ACTR3C: variants seen among roughly 807,000 people sequenced by gnomAD.
ACTR3C encodes actin-related protein 3C.
Under a neutral mutation model 26.3 loss-of-function variants are expected in ACTR3C, and 18 were observed. The ratio of observed to expected loss-of-function variants is 0.68; its 90% confidence interval spans 0.47 to 1.01. The LOEUF is 1.01. Among genes scored for constraint, ACTR3C ranks in the 50% least tolerant of loss-of-function variants. The pLI is 0.00. For missense variants in ACTR3C, 184 were observed against 250.7 expected (o/e 0.73, Z 1.80); for synonymous variants, 55 against 94.5 (o/e 0.58, Z 2.42).
chr7:149,998,064 T>G, the ACTR3C span, among the ~76,000 whole-genome samples: 1 of 151,250 alleles, frequency 6.6e-6, no homozygotes, highest in South Asian at 2.1e-4. Context: ...CCTCTCTTTC[T>G]TCTCCTTCTT....
the ACTR3C span, among the ~76,000 whole-genome samples, chr7:150,031,536 C>A: frequency 6.6e-6 from 1 of 152,106 alleles, no homozygotes; most frequent in African/African-American, 2.4e-5. Flanking sequence ...AAACCCAGTC[C>A]CTGAGTAAAA....
chr7:150,084,683 C>T, the ACTR3C span, among the ~76,000 whole-genome samples: 2 of 152,150 alleles, frequency 1.3e-5, no homozygotes, highest in East Asian at 1.9e-4. Context: ...TTATAAGGGC[C>T]GAGGAACAGG....
chr7:149,945,519 A>G, the ACTR3C span, among the ~76,000 whole-genome samples: 1 of 152,228 alleles, frequency 6.6e-6, no homozygotes, highest in African/African-American at 2.4e-5. Flanking sequence ...AAATCAGATC[A>G]GTGCTGAGGA....
the ACTR3C span, among the ~76,000 whole-genome samples, chr7:150,188,158 C>A: frequency 6.6e-6 from 1 of 152,152 alleles, no homozygotes; most frequent in East Asian, 1.9e-4. Flanking sequence ...AAGATCTGAT[C>A]TTTGTCTCTG....
At chr7:150,083,752 G>A in the ACTR3C span, among the ~76,000 whole-genome samples, 7 of 151,992 alleles carry the variant, frequency 4.6e-5, no homozygotes, top group Admixed American at 4.6e-4. Flanking sequence ...ATTGCTCCTT[G>A]CCCACCTACT....
At chr7:150,147,752 C>T in the ACTR3C span, among the ~76,000 whole-genome samples, 6 of 151,914 alleles carry the variant, frequency 3.9e-5, no homozygotes, top group Non-Finnish European at 7.4e-5. Context: ...CGTTCAACCA[C>T]AGCTGCAGGA....
chr7:150,248,767 G>A (rs1475266909), intron 7 of ACTR3C, 181 bp downstream of exon 7: 2 of 392,118 alleles, frequency 5.1e-6, no homozygotes, highest in Middle Eastern at 6.6e-4. Context: ...TGAATGAAGA[G>A]TCGATTGAGA....
chr7:150,093,310 A>G, the ACTR3C span, among the ~76,000 whole-genome samples: 1 of 151,170 alleles, frequency 6.6e-6, no homozygotes, highest in South Asian at 2.1e-4. Flanking sequence ...TTGATCGGTG[A>G]TTTTTCAAGA....
the ACTR3C span, among the ~76,000 whole-genome samples, chr7:150,210,504 C>T: frequency 6.8e-6 from 1 of 146,950 alleles, no homozygotes; most frequent in African/African-American, 2.7e-5. Context: ...AATAGATACA[C>T]AAACCATGGT....
the ACTR3C span, among the ~76,000 whole-genome samples, chr7:150,159,594 G>T: frequency 6.6e-6 from 1 of 152,016 alleles, no homozygotes. Flanking sequence ...CATTCCACCC[G>T]AGCCCCGCCA....
the ACTR3C span, among the ~76,000 whole-genome samples, chr7:149,988,728 C>T: frequency 4.4e-4 from 67 of 152,280 alleles, 1 homozygote; most frequent in South Asian, 0.013. Flanking sequence ...ATGCATCATC[C>T]TTTGGCCCCA....
the ACTR3C span, among the ~76,000 whole-genome samples, chr7:149,985,957 A>C: frequency 6.6e-6 from 1 of 151,910 alleles, no homozygotes; most frequent in African/African-American, 2.4e-5. Context: ...CCTTTATCCT[A>C]AAACTGCTCA....
At chr7:150,190,896 CA>C in the ACTR3C span, among the ~76,000 whole-genome samples, 1 of 152,090 alleles carries the variant, frequency 6.6e-6, no homozygotes, top group African/African-American at 2.4e-5. Flanking sequence ...ACGTGCCAAG[CA>C]AAGGGGGAAA....
chr7:150,184,189 A>C, the ACTR3C span, among the ~76,000 whole-genome samples: 1 of 150,696 alleles, frequency 6.6e-6, no homozygotes, highest in African/African-American at 2.5e-5. Context: ...GGCTTTGTAA[A>C]GGTCTCGTCA....
chr7:149,964,105 A>G, the ACTR3C span, among the ~76,000 whole-genome samples: 1 of 152,132 alleles, frequency 6.6e-6, no homozygotes, highest in African/African-American at 2.4e-5. Context: ...AGAGAATACT[A>G]TTGACCAAAG....
At chr7:150,039,847 C>A in the ACTR3C span, among the ~76,000 whole-genome samples, 3 of 128,092 alleles carry the variant, frequency 2.3e-5, no homozygotes, top group Non-Finnish European at 5.3e-5. Context: ...CGATGGGGGT[C>A]CTAAGAGCAA....
At chr7:150,128,614 C>A in the ACTR3C span, among the ~76,000 whole-genome samples, 11 of 151,710 alleles carry the variant, frequency 7.3e-5, no homozygotes, top group African/African-American at 2.7e-4. Context: ...TTCTGTCCTT[C>A]ACTCCTCCTA....
chr7:149,959,480 ATC>A, the ACTR3C span, among the ~76,000 whole-genome samples: 1 of 152,140 alleles, frequency 6.6e-6, no homozygotes, highest in Non-Finnish European at 1.5e-5. Context: ...CTTTTGTGTT[ATC>A]TCTCTAGAGA....
At chr7:150,035,582 T>G in the ACTR3C span, among the ~76,000 whole-genome samples, 1 of 125,270 alleles carries the variant, frequency 8.0e-6, no homozygotes, top group African/African-American at 3.2e-5. Flanking sequence ...GAAGAGGGAC[T>G]GGCTCTCAGT....
Sources: allele counts gnomAD v4.1 joint callset (sites outside exome capture counted in the v4.1 genomes callset), GRCh38; gene constraint gnomAD v4.1.1; transcripts MANE v1.5; gene names NCBI Gene and HGNC (gene_info 2026-07-23, HGNC 2026-07-21).